ARHGAP10: variants seen among roughly 807,000 people sequenced by gnomAD.
ARHGAP10 encodes the protein rho GTPase-activating protein 10.
In ARHGAP10, 87 loss-of-function variants were observed where a neutral mutation model predicts 108.6. The observed-to-expected ratio is 0.80, with a 90% CI of 0.67 to 0.96. The LOEUF is 0.96. Among genes scored for constraint, ARHGAP10 ranks in the 40% least tolerant of loss-of-function variants. ARHGAP10 has a pLI of 0.00. For synonymous variants in ARHGAP10, 347 were observed against 341.1 expected, an observed-to-expected ratio of 1.02 and a Z score of -0.19; for missense variants, 939 against 954.5, an observed-to-expected ratio of 0.98 and a Z score of 0.21.
intron 19 of ARHGAP10, among the ~76,000 whole-genome samples, chr4:148,029,617 A>C (rs193006417): frequency 2.1e-4 from 32 of 152,344 alleles, no homozygotes; most frequent in Non-Finnish European, 3.8e-4. Flanking sequence ...TGGACTAAGC[A>C]GACCTTTGCA....
intron 9 of ARHGAP10, among the ~76,000 whole-genome samples, chr4:147,880,709 GTAAAGA>G (rs1735292828): frequency 1.3e-5 from 2 of 149,294 alleles, no homozygotes; most frequent in South Asian, 4.3e-4. Flanking sequence ...TGCAAATTAA[GTAAAGA>G]TAAATTCAGG....
intron 4 of ARHGAP10, among the ~76,000 whole-genome samples, chr4:147,850,292 A>C (rs1362253619): frequency 6.6e-6 from 1 of 152,212 alleles, no homozygotes; most frequent in African/African-American, 2.4e-5. Flanking sequence ...CAAGTAAGGG[A>C]ATAAAAGCTG....
chr4:147,999,821 C>T (rs1333665804), intron 18 of ARHGAP10, among the ~76,000 whole-genome samples: 1 of 152,144 alleles, frequency 6.6e-6, no homozygotes, highest in Non-Finnish European at 1.5e-5. Context: ...CCCTGCCCCC[C>T]TCGTTTACAA....
chr4:147,876,357 C>T (rs925907261), intron 8 of ARHGAP10, among the ~76,000 whole-genome samples: 2 of 152,138 alleles, frequency 1.3e-5, no homozygotes, highest in African/African-American at 4.8e-5. Flanking sequence ...CTCTGGGAGG[C>T]CGAGGTGGGC....
chr4:147,824,928 T>C (rs962749350), intron 3 of ARHGAP10, among the ~76,000 whole-genome samples: 4 of 152,208 alleles, frequency 2.6e-5, no homozygotes, highest in Non-Finnish European at 4.4e-5. Flanking sequence ...AGATAGATTC[T>C]GCTGTTGTTC....
Position 147,732,253 on chromosome 4 carries a change from T to C in ARHGAP10, c.-49T>C. On this transcript the variant is annotated 5_prime_UTR_variant, in exon 1 of 23. Transcript: ENST00000336498. ...CCTGGCAGCGGCCTCGGAGCTCGGC[T>C]CGGGCAGGAGCGCGCGGCCGTGCGC... is the stretch of plus-strand genomic sequence containing the variant. 11 of 1,518,390 alleles carry C rather than the reference T, an allele frequency of 7.2e-6. No individual in the cohort carries two copies. Among genetic ancestry groups the C allele is most frequent in the Non-Finnish European group, 9.6e-6 (11 of 1,141,328 alleles). 94.1% of individuals were successfully genotyped at this position (1,518,390 alleles called of 1,614,324 possible). A position where few individuals can be genotyped will look rare whatever the true frequency, so the allele number is the denominator to read the frequency against.
intron 1 of ARHGAP10, among the ~76,000 whole-genome samples, chr4:147,758,745 G>A (rs932970172): frequency 2.0e-5 from 3 of 151,784 alleles, no homozygotes; most frequent in African/African-American, 7.3e-5. Context: ...TTGGGAGGCC[G>A]AGGCAGGAGG....
At chr4:147,860,169 G>C (rs754840666) in intron 5 of ARHGAP10, among the ~76,000 whole-genome samples, 12 of 152,192 alleles carry the variant, frequency 7.9e-5, no homozygotes, top group African/African-American at 2.4e-4. Context: ...AAGGCCGGGC[G>C]TGGTGGCTCA....
At chr4:147,958,135 GGATGTCT>G in intron 16 of ARHGAP10, among the ~76,000 whole-genome samples, 1 of 152,160 alleles carries the variant, frequency 6.6e-6, no homozygotes, top group Non-Finnish European at 1.5e-5. Context: ...GCATCTAGCT[GGATGTCT>G]TACTGCGTGA....
chr4:148,064,529 G>A (rs762999907), intron 22 of ARHGAP10, 22 bp downstream of exon 22: 25 of 1,598,866 alleles, frequency 1.6e-5, no homozygotes, highest in Admixed American at 1.0e-4. Flanking sequence ...TGGGAGCTTC[G>A]TCTGTTAATC....
At chr4:147,885,188 T>C (rs1005376311) in intron 10 of ARHGAP10, among the ~76,000 whole-genome samples, 2 of 152,084 alleles carry the variant, frequency 1.3e-5, no homozygotes, top group Non-Finnish European at 2.9e-5. Flanking sequence ...GTTTGGGTCA[T>C]TGTATTAGTT....
intron 4 of ARHGAP10, among the ~76,000 whole-genome samples, chr4:147,853,391 A>G (rs1475748884): frequency 6.6e-6 from 1 of 152,236 alleles, no homozygotes; most frequent in Non-Finnish European, 1.5e-5. Flanking sequence ...TCCAACAGTA[A>G]ACATTATTTA....
chr4:147,835,116 T>G (rs1579097736), intron 3 of ARHGAP10, among the ~76,000 whole-genome samples: 2 of 152,204 alleles, frequency 1.3e-5, no homozygotes, highest in East Asian at 3.8e-4. Flanking sequence ...ATAAATATTT[T>G]GAGTGCCTAC....
chr4:147,880,244 T>TG (rs1280768428), intron 9 of ARHGAP10, among the ~76,000 whole-genome samples: 1 of 152,228 alleles, frequency 6.6e-6, no homozygotes, highest in African/African-American at 2.4e-5. Context: ...CATTGCTTAC[T>TG]GGGTGAATGG....
At chr4:148,068,603 A>C (rs1184827147) in intron 22 of ARHGAP10, among the ~76,000 whole-genome samples, 2 of 152,200 alleles carry the variant, frequency 1.3e-5, no homozygotes, top group East Asian at 3.9e-4. Context: ...ATTATTAGGG[A>C]TATGTGCTTG....
intron 19 of ARHGAP10, among the ~76,000 whole-genome samples, chr4:148,037,479 A>T (rs551273667): frequency 2.6e-5 from 4 of 152,192 alleles, no homozygotes. Flanking sequence ...TTTGACCTGT[A>T]TGTACCACAT....
chr4:147,755,245 T>A (rs983552994), intron 1 of ARHGAP10, among the ~76,000 whole-genome samples: 1 of 152,202 alleles, frequency 6.6e-6, no homozygotes, highest in Non-Finnish European at 1.5e-5. Context: ...ATTAAAATTT[T>A]TACTTATTTT....
chr4:147,840,279 G>A (rs1270101857), intron 3 of ARHGAP10, among the ~76,000 whole-genome samples: 1 of 151,990 alleles, frequency 6.6e-6, no homozygotes, highest in Non-Finnish European at 1.5e-5. Context: ...ATCAAACCTG[G>A]CTTTGCTCCC....
chr4:148,044,104 G>A (rs1728771418), intron 19 of ARHGAP10, among the ~76,000 whole-genome samples: 1 of 151,950 alleles, frequency 6.6e-6, no homozygotes, highest in African/African-American at 2.4e-5. Context: ...TTCACTTGAG[G>A]GTTCAAATTG....
Sources: allele counts gnomAD v4.1 joint callset (sites outside exome capture counted in the v4.1 genomes callset), GRCh38; gene constraint gnomAD v4.1.1; transcripts MANE v1.5; gene names NCBI Gene and HGNC (gene_info 2026-07-23, HGNC 2026-07-21).